CAMKK2: variants seen among roughly 807,000 people sequenced by gnomAD.
The protein encoded by CAMKK2 is calcium/calmodulin dependent protein kinase kinase 2, also known as calcium/calmodulin-dependent protein kinase kinase 2.
CAMKK2 carries 30 observed loss-of-function variants against 67.2 expected under a neutral mutation model. The observed-to-expected ratio is 0.45, with a 90% CI of 0.33 to 0.61. The LOEUF (loss-of-function observed/expected upper bound fraction) is 0.61. Ranked by LOEUF, CAMKK2 falls within the 20% of genes least tolerant of loss-of-function variation. The probability of loss-of-function intolerance (pLI) is 0.02; values close to 1 mark genes in which losing one functional copy is unlikely to be tolerated. For synonymous variants in CAMKK2, 322 were observed against 326.2 expected, an observed-to-expected ratio of 0.99 and a Z score of 0.14; for missense variants, 643 against 802.0, an observed-to-expected ratio of 0.80 and a Z score of 2.39.
Position 121,245,302 on chromosome 12 carries a change from G to T in CAMKK2, c.1453-62C>A. ...CTTGGCCATGTGGGGGCGATTCTGG[G>T]CAACATCCTCCCTCTTCCTTCTCCC... On this transcript the variant is annotated intron_variant, in intron 14 of 16. Transcript: ENST00000404169. This position sits in a 1 kb window ranked among gnomAD's most constrained non-coding sequence, Gnocchi z 5.8. The T allele has an allele frequency of 2.0e-6, 2 of 1,008,476 alleles. No homozygotes were observed. The highest frequency in any genetic ancestry group is 3.1e-6 in the Non-Finnish European group (2 of 651,324). 62.5% of individuals were successfully genotyped at this position (1,008,476 alleles called of 1,614,324 possible).
chr12:121,275,489 CAAAA>C (rs10669562), intron 1 of CAMKK2, among the ~76,000 whole-genome samples: 1 of 63,984 alleles, frequency 1.6e-5, no homozygotes, highest in Non-Finnish European at 3.2e-5. Flanking sequence ...AAGACTGTCT[CAAAA>C]AAAAAAAAAA....
At chr12:121,277,541 C>A (rs2136481453) in intron 1 of CAMKK2, among the ~76,000 whole-genome samples, 1 of 152,258 alleles carries the variant, frequency 6.6e-6, no homozygotes, top group South Asian at 2.1e-4. Context: ...GAATACTATA[C>A]AGCCACAAAA....
chr12:121,296,460 C>T lies in CAMKK2; in HGVS notation c.-60+178G>A, dbSNP rs986243531. ...GGCTGTCGGGGACCGTGTCCCTCCACGTGGCGGGGCGTGGGGAGGCGCACG... is the reference window on the plus strand; with the variant it reads ...GGCTGTCGGGGACCGTGTCCCTCCATGTGGCGGGGCGTGGGGAGGCGCACG... On this transcript the variant is annotated intron_variant, in intron 1 of 16. Transcript: ENST00000404169. This position sits in a 1 kb window ranked among gnomAD's most constrained non-coding sequence, Gnocchi z 7.1. Among the ~76,000 whole-genome samples, 2 of 152,130 alleles carry T rather than the reference C, an allele frequency of 1.3e-5. No individual in the cohort carries two copies. The highest frequency in any genetic ancestry group is 2.4e-5 in the African/African-American group (1 of 41,452).
chr12:121,258,500 G>T (rs967964683), intron 7 of CAMKK2, among the ~76,000 whole-genome samples: 1 of 152,108 alleles, frequency 6.6e-6, no homozygotes, highest in Non-Finnish European at 1.5e-5. Flanking sequence ...CCTGGACTGA[G>T]TTTTCTGCCC....
Position 121,253,395 on chromosome 12 carries a change from C to T in CAMKK2, c.985G>A (p.Ala329Thr), listed in dbSNP as rs768551666. The T allele has an allele frequency of 6.2e-7, 1 of 1,614,010 alleles. No individual in the cohort carries two copies. The highest frequency in any genetic ancestry group is 8.5e-7 in the Non-Finnish European group (1 of 1,179,940). Residue 329 changes from alanine (A) to threonine (T), a missense_variant, in exon 10 of 17, where the codon GCT (alanine) becomes ACT (threonine). By Grantham distance (58) the Ala-to-Thr change is moderately conservative. Coordinates refer to ENST00000404169, the MANE Select transcript of CAMKK2 (RefSeq NM_001270485.2). This position sits in a 1 kb window ranked among gnomAD's most constrained non-coding sequence, Gnocchi z 5.0. ...AATTCATTGCTCACACCAAAGTCAGCGATCTTGATGTGCCCATCTTCTCCG... is the reference window on the plus strand; with the variant it reads ...AATTCATTGCTCACACCAAAGTCAGTGATCTTGATGTGCCCATCTTCTCCG... ...LVGEDGHIKI[A>T]DFGVSNEFKG...
At chr12:121,255,745 C>T (rs1228622368) in intron 8 of CAMKK2, 38 bp downstream of exon 8, 2 of 1,613,232 alleles carry the variant, frequency 1.2e-6, no homozygotes, top group Admixed American at 3.3e-5. Context: ...GCTACAGAAG[C>T]TTCTTGCATC....
At chr12:121,291,333 A>G (rs1357273944) in intron 1 of CAMKK2, among the ~76,000 whole-genome samples, 1 of 152,240 alleles carries the variant, frequency 6.6e-6, no homozygotes, top group African/African-American at 2.4e-5. Context: ...GGGAATGGAC[A>G]AAGTAGCCTT....
At chr12:121,269,295 A>C (rs1272304319) in intron 4 of CAMKK2, among the ~76,000 whole-genome samples, 1 of 152,188 alleles carries the variant, frequency 6.6e-6, no homozygotes. Flanking sequence ...GCTCAGAGGA[A>C]GGGCATAAAA....
intron 1 of CAMKK2, among the ~76,000 whole-genome samples, chr12:121,278,415 A>C (rs1247310660): frequency 6.6e-6 from 1 of 152,212 alleles, no homozygotes; most frequent in Admixed American, 6.5e-5. Context: ...AGTACTCAAA[A>C]ACTATTACTT....
rs540716908 is a variant in CAMKK2, at chr12:121,249,998, T to C, written c.1198A>G (p.Ser400Gly). ...FMDERIMCLHSKIKSQALEFP... is the reference protein window; with the variant it reads ...FMDERIMCLHGKIKSQALEFP... ...TCCAGGGCCTGACTCTTGATCTTAC[T>C]GTGTAAACACATGATCCGCTCGTCC... Residue 400 changes from serine (S) to glycine (G), a missense_variant, in exon 12 of 17, where the codon AGT becomes GGT. Physicochemically the swap from Ser to Gly is moderately conservative, Grantham distance 56. This residue lies in a region of CAMKK2 where 483 missense variants were observed against 625.8 expected (regional missense o/e 0.77). Coordinates refer to ENST00000404169, the MANE Select transcript of CAMKK2 (RefSeq NM_001270485.2). 1.2e-6 allele frequency: 2 copies of C among 1,614,070 alleles called. No individual in the cohort carries two copies. The highest frequency in any genetic ancestry group is 4.5e-5 in the East Asian group (2 of 44,886).
chr12:121,244,991 C>G (rs995140368), intron 15 of CAMKK2, 149 bp downstream of exon 15: 5 of 622,036 alleles, frequency 8.0e-6, no homozygotes, highest in African/African-American at 5.5e-5. Flanking sequence ...GGGGTGCTGA[C>G]TGTCCCAGTG....
intron 16 of CAMKK2, among the ~76,000 whole-genome samples, chr12:121,242,344 A>G (rs1888534798): frequency 6.8e-6 from 1 of 146,386 alleles, no homozygotes; most frequent in African/African-American, 2.5e-5. Context: ...CCCTGTCTCA[A>G]AAAAAAAAAA....
At chr12:121,243,948 C>T in intron 16 of CAMKK2, 2 of 1,449,850 alleles carry the variant, frequency 1.4e-6, no homozygotes, top group South Asian at 1.4e-5. Context: ...CAGGGGTGCC[C>T]AGCAGGTTCT....
In CAMKK2 at chr12:121,249,819, G is replaced by C. The variant is rs1465910940; in HGVS notation, c.1291C>G (p.Pro431Ala). The C allele has an allele frequency of 6.2e-7, 1 of 1,614,164 alleles. No individual in the cohort carries two copies. Among genetic ancestry groups the C allele is most frequent in the South Asian group, 1.1e-5 (1 of 91,082 alleles). ...TCCGGCACCACGATCCTCGACTCGGGGTTCTTGTCCAGCATACGGGTGATC... is the reference window on the plus strand; with the variant it reads ...TCCGGCACCACGATCCTCGACTCGGCGTTCTTGTCCAGCATACGGGTGATC... ...DLITRMLDKN[P>A]ESRIVVPEIK... is the part of the protein sequence containing the mutation. Residue 431 changes from proline to alanine, a missense_variant, in exon 13 of 17, where the codon CCC becomes GCC. Physicochemically the swap from Pro to Ala is conservative, Grantham distance 27. This residue lies in a region of CAMKK2 where 483 missense variants were observed against 625.8 expected (regional missense o/e 0.77). Transcript: ENST00000404169.
intron 9 of CAMKK2, among the ~76,000 whole-genome samples, chr12:121,255,008 G>A (rs971995250): frequency 6.6e-6 from 1 of 150,830 alleles, no homozygotes; most frequent in Non-Finnish European, 1.5e-5. Flanking sequence ...AAACGTGAAA[G>A]GTGAGACTGG....
chr12:121,271,147 C>A lies in CAMKK2; in HGVS notation c.472-202G>T, dbSNP rs1184787900. Reference sequence around the variant, plus strand: ...AAAATTAGCCAGGCGTGGTGGTGGGCACCTGTAATCCCAGCTACTCAGGAG... The same window carrying A: ...AAAATTAGCCAGGCGTGGTGGTGGGAACCTGTAATCCCAGCTACTCAGGAG... On this transcript the variant is annotated intron_variant, in intron 2 of 16. Coordinates refer to ENST00000404169, the MANE Select transcript of CAMKK2 (RefSeq NM_001270485.2). Among the ~76,000 whole-genome samples, 3 of 151,650 alleles carry A rather than the reference C, an allele frequency of 2.0e-5. No homozygotes were observed. In the East Asian group the frequency reaches 5.8e-4, roughly 29 times the overall value.
chr12:121,292,650 T>G (rs1377941404), intron 1 of CAMKK2, among the ~76,000 whole-genome samples: 2 of 151,686 alleles, frequency 1.3e-5, no homozygotes, highest in East Asian at 3.9e-4. Context: ...AGAGAAGAAG[T>G]GAGTGGGAAA....
intron 1 of CAMKK2, among the ~76,000 whole-genome samples, chr12:121,293,225 C>T (rs1434512544): frequency 1.3e-5 from 2 of 151,858 alleles, no homozygotes; most frequent in Non-Finnish European, 2.9e-5. Flanking sequence ...TGCAGTGAAC[C>T]GAGATCACAC....
intron 14 of CAMKK2, 65 bp downstream of exon 14, chr12:121,248,541 T>C: frequency 6.3e-7 from 1 of 1,599,668 alleles, no homozygotes; most frequent in East Asian, 2.2e-5. Flanking sequence ...GTCCGGCCTG[T>C]CCTGGCCAGG....
Sources: gnomAD v4.1 joint callset for allele counts (sites outside exome capture counted in the v4.1 genomes callset) on GRCh38, gnomAD v4.1.1 for gene constraint, gnomAD v4.1.1 regional missense constraint, Gnocchi (gnomAD v3.1) non-coding constraint, MANE v1.5 for transcripts, NCBI Gene and HGNC (gene_info 2026-07-23, HGNC 2026-07-21) for gene names.